XPR1: variants seen among roughly 807,000 people sequenced by gnomAD.
XPR1 encodes the protein xenotropic and polytropic retrovirus receptor 1.
XPR1 carries 28 observed loss-of-function variants against 87.5 expected under a neutral mutation model. That is an observed-to-expected ratio of 0.32 (90% CI 0.24 to 0.44). XPR1 has a LOEUF of 0.44. XPR1 is among the 20% of genes least tolerant of loss of function. The pLI, the probability that XPR1 is intolerant of heterozygous loss-of-function variation, is 1.00. For synonymous variants in XPR1, 300 were observed against 306.1 expected (o/e 0.98, Z 0.21); for missense variants, 559 against 862.3 (o/e 0.65, Z 4.41).
At chr1:180,761,907 G>A (rs1648049484) in intron 2 of XPR1, among the ~76,000 whole-genome samples, 1 of 152,140 alleles carries the variant, frequency 6.6e-6, no homozygotes, top group Non-Finnish European at 1.5e-5. Context: ...TTAAGAAAAT[G>A]TGGCACAGAT....
chr1:180,879,453 T>C (rs1014869253), intron 13 of XPR1, among the ~76,000 whole-genome samples: 1 of 152,254 alleles, frequency 6.6e-6, no homozygotes, highest in Non-Finnish European at 1.5e-5. Flanking sequence ...TCTCCTGCTA[T>C]TTTAACCTCA....
chr1:180,698,052 A>G (rs908110818), intron 2 of XPR1, among the ~76,000 whole-genome samples: 7 of 152,120 alleles, frequency 4.6e-5, no homozygotes, highest in African/African-American at 1.7e-4. Flanking sequence ...GAAGTTCCCA[A>G]CTATTAGTGT....
intron 2 of XPR1, among the ~76,000 whole-genome samples, chr1:180,772,090 A>G (rs772462833): frequency 7.1e-6 from 1 of 140,304 alleles, no homozygotes; most frequent in Non-Finnish European, 1.5e-5. Context: ...TTTCTCACAC[A>G]TTTATTCAGT....
chr1:180,676,662 T>C (rs1656378335), intron 1 of XPR1, among the ~76,000 whole-genome samples: 1 of 152,204 alleles, frequency 6.6e-6, no homozygotes, highest in Admixed American at 6.5e-5. Flanking sequence ...ACTAACTTCT[T>C]ATTTTAGTCT....
chr1:180,758,130 C>A (rs1343526515), intron 2 of XPR1, among the ~76,000 whole-genome samples: 2 of 151,554 alleles, frequency 1.3e-5, no homozygotes, highest in Non-Finnish European at 2.9e-5. Context: ...CACACACACA[C>A]ACACACACAC....
intron 13 of XPR1, among the ~76,000 whole-genome samples, chr1:180,879,180 C>T (rs1435552378): frequency 6.6e-6 from 1 of 152,208 alleles, no homozygotes; most frequent in African/African-American, 2.4e-5. Context: ...AATCCTTTGT[C>T]TGTCTGCTTC....
At chr1:180,725,905 C>T (rs1418877681) in intron 2 of XPR1, among the ~76,000 whole-genome samples, 2 of 152,106 alleles carry the variant, frequency 1.3e-5, no homozygotes, top group African/African-American at 2.4e-5. Flanking sequence ...TATGACATGG[C>T]CCTGATAGTA....
intron 14 of XPR1, among the ~76,000 whole-genome samples, chr1:180,881,904 A>G (rs1652862418): frequency 6.6e-6 from 1 of 152,186 alleles, no homozygotes. Context: ...ATAGTCAGGG[A>G]GGTAATAGGA....
intron 2 of XPR1, among the ~76,000 whole-genome samples, chr1:180,732,057 G>A (rs1468090675): frequency 6.6e-6 from 1 of 152,122 alleles, no homozygotes. Context: ...GCCAGGCGTG[G>A]TCACGTGTGC....
Position 180,782,881 on chromosome 1 carries a change from AC to A in XPR1, c.122-4870del, listed in dbSNP as rs551318793. 3.9e-3 allele frequency among the ~76,000 whole-genome samples: 593 copies of A among 152,068 alleles called. 12 individuals carry two copies. Among genetic ancestry groups the A allele is most frequent in the Non-Finnish European group, 4.8e-3 (329 of 67,914 alleles). On this transcript the variant is annotated intron_variant, in intron 2 of 14. Transcript: ENST00000367590. ...TATTGGGGTGGGGAAAACTCATGTC[AC>A]CTAGGCTCTTTGTACCTCAGTTTTC...
At chr1:180,752,853 G>A (rs966343131) in intron 2 of XPR1, among the ~76,000 whole-genome samples, 1 of 151,946 alleles carries the variant, frequency 6.6e-6, no homozygotes, top group Non-Finnish European at 1.5e-5. Flanking sequence ...AATAATAAAG[G>A]TCAGGTTATT....
At chr1:180,791,621 C>T (rs187940295) in intron 3 of XPR1, among the ~76,000 whole-genome samples, 15 of 152,234 alleles carry the variant, frequency 9.9e-5, no homozygotes, top group African/African-American at 3.4e-4. Flanking sequence ...CACACATATA[C>T]AGATAAATGT....
At chr1:180,714,365 CTCTCTCTCT>C (rs1557970767) in intron 2 of XPR1, among the ~76,000 whole-genome samples, 17 of 141,968 alleles carry the variant, frequency 1.2e-4, no homozygotes, top group Non-Finnish European at 2.4e-4. Flanking sequence ...CTCTCTCTCT[CTCTCTCTCT>C]CTCTCTCTCT....
chr1:180,767,963 GC>G (rs1472752241), intron 2 of XPR1, among the ~76,000 whole-genome samples: 11 of 151,920 alleles, frequency 7.2e-5, no homozygotes, highest in Admixed American at 7.2e-4. Flanking sequence ...TCCTGCCTCA[GC>G]CTCCCGAGTA....
chr1:180,839,241 CAA>C (rs1651420353), intron 11 of XPR1, among the ~76,000 whole-genome samples: 2 of 151,900 alleles, frequency 1.3e-5, no homozygotes, highest in Admixed American at 1.3e-4. Flanking sequence ...TGGTTGAAAG[CAA>C]AGAGTTGAAA....
At chr1:180,679,542 CTT>C (rs1656490974) in intron 1 of XPR1, among the ~76,000 whole-genome samples, 1 of 152,162 alleles carries the variant, frequency 6.6e-6, no homozygotes, top group Admixed American at 6.5e-5. Context: ...GTATTTCAAG[CTT>C]TGAAGCTATG....
intron 3 of XPR1, among the ~76,000 whole-genome samples, chr1:180,801,657 C>T (rs188977288): frequency 2.6e-5 from 4 of 152,112 alleles, no homozygotes; most frequent in South Asian, 4.2e-4. Context: ...TTGAAGACAA[C>T]AGCAAGACAG....
intron 2 of XPR1, among the ~76,000 whole-genome samples, chr1:180,739,479 A>G (rs2102020748): frequency 6.6e-6 from 1 of 152,306 alleles, no homozygotes; most frequent in Non-Finnish European, 1.5e-5. Flanking sequence ...TTTCTGGCAT[A>G]TCAATTAGAA....
chr1:180,850,725 A>G (rs1274372044), intron 11 of XPR1, among the ~76,000 whole-genome samples: 1 of 152,170 alleles, frequency 6.6e-6, no homozygotes, highest in Non-Finnish European at 1.5e-5. Flanking sequence ...TGGGATGCCA[A>G]GTTGGGAGGA....
Sources: gnomAD v4.1 joint callset for allele counts (sites outside exome capture counted in the v4.1 genomes callset) on GRCh38, gnomAD v4.1.1 for gene constraint, MANE v1.5 for transcripts, NCBI Gene and HGNC (gene_info 2026-07-23, HGNC 2026-07-21) for gene names.